LRP1B: variants seen among roughly 807,000 people sequenced by gnomAD.
LRP1B encodes the protein LDL receptor related protein 1B.
A neutral mutation model predicts 556.6 loss-of-function variants in LRP1B; 217 were observed. The observed-to-expected ratio is 0.39, with a 90% CI of 0.35 to 0.44. The LOEUF (loss-of-function observed/expected upper bound fraction) is 0.44. Ranked by LOEUF, LRP1B falls within the 20% of genes least tolerant of loss-of-function variation. The probability of loss-of-function intolerance (pLI) is 1.00; values close to 1 mark genes in which losing one functional copy is unlikely to be tolerated. For missense variants in LRP1B, 5,053 were observed against 5,620.8 expected (o/e 0.90, Z 3.23); for synonymous variants, 2,047 against 1,865.8 (o/e 1.10, Z -2.50).
At chr2:141,878,571 T>C (rs1208700255) in intron 1 of LRP1B, among the ~76,000 whole-genome samples, 3 of 151,992 alleles carry the variant, frequency 2.0e-5, no homozygotes. Context: ...ACCAGTTTGG[T>C]ATATTTCAAA....
intron 35 of LRP1B, among the ~76,000 whole-genome samples, chr2:140,721,752 T>C (rs1333544232): frequency 1.4e-5 from 2 of 146,396 alleles, no homozygotes; most frequent in Admixed American, 6.9e-5. Context: ...AAAAACGAGG[T>C]AGCACCATGT....
rs538250284 is a variant in LRP1B, at chr2:140,538,574, C to A, written c.7514-1865G>T. Among the ~76,000 whole-genome samples the A allele has an allele frequency of 1.0e-4, 15 of 149,942 alleles. No individual in the cohort carries two copies. In the East Asian group the frequency reaches 3.0e-3, roughly 30 times the overall value. ...CATGTTCCAAAGATATATTTCTTTTCTCTTGGTGCAGTCTAAACTTCATTG... is the reference window on the plus strand; with the variant it reads ...CATGTTCCAAAGATATATTTCTTTTATCTTGGTGCAGTCTAAACTTCATTG... On this transcript the variant is annotated intron_variant, in intron 45 of 90. Transcript: ENST00000389484.
intron 1 of LRP1B, among the ~76,000 whole-genome samples, chr2:141,963,404 T>C (rs1324516281): frequency 2.0e-5 from 3 of 151,956 alleles, no homozygotes; most frequent in Non-Finnish European, 4.4e-5. Context: ...AAGTAAGAAA[T>C]TGGCTTCATC....
intron 1 of LRP1B, among the ~76,000 whole-genome samples, chr2:141,933,014 C>T (rs1462988661): frequency 4.0e-5 from 6 of 151,716 alleles, no homozygotes; most frequent in African/African-American, 1.5e-4. Flanking sequence ...ATTATGTTTC[C>T]ATTTTTCCAT....
chr2:140,679,856 T>C (rs1007631787), intron 41 of LRP1B, among the ~76,000 whole-genome samples: 2 of 152,170 alleles, frequency 1.3e-5, no homozygotes, highest in African/African-American at 2.4e-5. Context: ...CCAGGATGGC[T>C]CTGAATACGA....
intron 3 of LRP1B, among the ~76,000 whole-genome samples, chr2:141,422,800 A>C (rs1420976072): frequency 6.6e-6 from 1 of 152,160 alleles, no homozygotes. Flanking sequence ...CAGTATGCCA[A>C]GCTATTTTTC....
At chr2:141,668,585 G>A (rs1273101495) in intron 2 of LRP1B, among the ~76,000 whole-genome samples, 1 of 152,128 alleles carries the variant, frequency 6.6e-6, no homozygotes, top group East Asian at 1.9e-4. Flanking sequence ...AACTCCAGAG[G>A]AAGATCATCT....
Position 141,136,440 on chromosome 2 carries a change from AC to A in LRP1B, c.1013+51980del, listed in dbSNP as rs1275886929. Among the ~76,000 whole-genome samples the A allele has an allele frequency of 2.0e-4, 31 of 151,792 alleles. 1 individual carries two copies. The highest frequency in any genetic ancestry group is 4.3e-4 in the Non-Finnish European group (29 of 67,854). On this transcript the variant is annotated intron_variant, in intron 7 of 90. Coordinates refer to ENST00000389484, the MANE Select transcript of LRP1B (RefSeq NM_018557.3). ...ATTATAAATTAATCTATACAAACAAACTTTTCTATTCTCAATTCCCACATTT... is the reference window on the plus strand; with the variant it reads ...ATTATAAATTAATCTATACAAACAAATTTTCTATTCTCAATTCCCACATTT...
chr2:140,495,811 A>G (rs958637342), intron 55 of LRP1B, 63 bp from the exon 56 acceptor site: 110 of 1,379,478 alleles, frequency 8.0e-5, no homozygotes, highest in Non-Finnish European at 1.0e-4. Context: ...ACTTTTGGAT[A>G]TCTCTTTAGC....
intron 66 of LRP1B, 107 bp from the exon 67 acceptor site, chr2:140,386,116 C>G: frequency 1.4e-6 from 1 of 695,140 alleles, no homozygotes; most frequent in Non-Finnish European, 2.5e-6. Context: ...TTCCTTAATT[C>G]AGTTACTAAG....
At chr2:141,560,755 C>T (rs1325273517) in intron 2 of LRP1B, among the ~76,000 whole-genome samples, 3 of 151,038 alleles carry the variant, frequency 2.0e-5, no homozygotes, top group Non-Finnish European at 4.4e-5. Flanking sequence ...TAGAAAACTC[C>T]AACTAGTTTC....
At chr2:140,845,059 C>G (rs1168390633) in intron 29 of LRP1B, among the ~76,000 whole-genome samples, 1 of 152,080 alleles carries the variant, frequency 6.6e-6, no homozygotes, top group Non-Finnish European at 1.5e-5. Flanking sequence ...AAAAAAGATA[C>G]CTGCTTATAA....
In LRP1B at chr2:140,317,602, G is replaced by A. The variant is rs145613574; in HGVS notation, c.12641-2503C>T. On this transcript the variant is annotated intron_variant, in intron 82 of 90. Coordinates refer to ENST00000389484, the MANE Select transcript of LRP1B (RefSeq NM_018557.3). Reference sequence around the variant, plus strand: ...CAGAGATCAAACTCTCAAGAAATACGCAGAGTGGAAATATGCTTGTTTAAT... The same window carrying A: ...CAGAGATCAAACTCTCAAGAAATACACAGAGTGGAAATATGCTTGTTTAAT... Among the ~76,000 whole-genome samples the A allele has an allele frequency of 3.6e-4, 55 of 152,130 alleles. 1 individual carries two copies. Among genetic ancestry groups the A allele is most frequent in the East Asian group, 3.3e-3 (17 of 5,158 alleles).
At chr2:141,034,232 C>T (rs1698462926) in intron 11 of LRP1B, among the ~76,000 whole-genome samples, 1 of 152,148 alleles carries the variant, frequency 6.6e-6, no homozygotes, top group Non-Finnish European at 1.5e-5. Context: ...TAGGAAATTC[C>T]CATTATTTCT....
At chr2:140,924,677 G>T (rs1055975645) in intron 20 of LRP1B, among the ~76,000 whole-genome samples, 22 of 152,044 alleles carry the variant, frequency 1.4e-4, no homozygotes, top group African/African-American at 3.9e-4. Flanking sequence ...ATAAAGCATT[G>T]AGTTTTGGCT....
chr2:141,664,417 T>G (rs1206623821), intron 2 of LRP1B, among the ~76,000 whole-genome samples: 1 of 152,180 alleles, frequency 6.6e-6, no homozygotes, highest in African/African-American at 2.4e-5. Flanking sequence ...GAATTCAGCC[T>G]GTGTCTGTTT....
chr2:140,357,682 A>G (rs1573840061), intron 74 of LRP1B, among the ~76,000 whole-genome samples: 1 of 151,786 alleles, frequency 6.6e-6, no homozygotes, highest in Non-Finnish European at 1.5e-5. Flanking sequence ...CTAAATTTGT[A>G]TAAGATAAAT....
chr2:140,824,332 A>G (rs1691432570), intron 31 of LRP1B, among the ~76,000 whole-genome samples: 1 of 152,104 alleles, frequency 6.6e-6, no homozygotes, highest in Non-Finnish European at 1.5e-5. Flanking sequence ...ATCAAAAATT[A>G]CAATTAATAG....
At chr2:140,265,858 T>G (rs2104935852) in intron 86 of LRP1B, among the ~76,000 whole-genome samples, 1 of 152,176 alleles carries the variant, frequency 6.6e-6, no homozygotes, top group South Asian at 2.1e-4. Flanking sequence ...TTAGCTGGAC[T>G]TTTTTATTGT....
Sources: gnomAD v4.1 joint callset for allele counts (sites outside exome capture counted in the v4.1 genomes callset) on GRCh38, gnomAD v4.1.1 for gene constraint, MANE v1.5 for transcripts, NCBI Gene and HGNC (gene_info 2026-07-23, HGNC 2026-07-21) for gene names.